The following GLP1R variants were observed in gnomAD, a reference collection of about 807,000 sequenced individuals.
GLP1R encodes the protein glucagon-like peptide 1 receptor.
In GLP1R, 32 loss-of-function variants were observed where a neutral mutation model predicts 68.4. That is an observed-to-expected ratio of 0.47 (90% CI 0.35 to 0.63). GLP1R has a LOEUF of 0.63. Among genes scored for constraint, GLP1R ranks in the 20% least tolerant of loss-of-function variants. The pLI, the probability that GLP1R is intolerant of heterozygous loss-of-function variation, is 0.00. For synonymous variants in GLP1R, 263 were observed against 244.4 expected (o/e 1.08, Z -0.71); for missense variants, 502 against 594.9 (o/e 0.84, Z 1.62).
At chr6:39,085,654 TCA>T (rs1279470195) in intron 12 of GLP1R, among the ~76,000 whole-genome samples, 1 of 152,214 alleles carries the variant, frequency 6.6e-6, no homozygotes, top group Non-Finnish European at 1.5e-5. Flanking sequence ...CTTAGCTGAA[TCA>T]CAGAGTTTAG....
chr6:39,082,606 G>A (rs1171250078), intron 12 of GLP1R, among the ~76,000 whole-genome samples: 1 of 152,142 alleles, frequency 6.6e-6, no homozygotes, highest in Non-Finnish European at 1.5e-5. Flanking sequence ...TCCTCAAAAT[G>A]AGTTTCTTTA....
intron 5 of GLP1R, among the ~76,000 whole-genome samples, chr6:39,066,822 AG>A (rs1768532683): frequency 6.6e-6 from 1 of 152,064 alleles, no homozygotes; most frequent in East Asian, 1.9e-4. Context: ...CACTTGGAGA[AG>A]GGGGGCCAGG....
chr6:39,086,198 C>CAA lies in GLP1R; in HGVS notation c.*126_*127insAA. ...ACACACACACACACACACACACACA[C>CAA]ACACACATACATCCTGCTTTCCCTC... On this transcript the variant is annotated 3_prime_UTR_variant, in exon 13 of 13. Coordinates refer to ENST00000373256, the MANE Select transcript of GLP1R (RefSeq NM_002062.5). The surrounding 1 kb of genome is among the most constrained non-coding windows in gnomAD (Gnocchi z 4.5). The CAA allele has an allele frequency of 3.5e-6, 2 of 574,022 alleles. No individual in the cohort carries two copies. Among genetic ancestry groups the CAA allele is most frequent in the African/African-American group, 1.8e-5 (1 of 54,060 alleles). The allele number at this position is 574,022 out of a possible 1,614,324, so 35.6% of individuals were successfully genotyped here.
At chr6:39,055,840 C>T (rs1054491482) in intron 1 of GLP1R, among the ~76,000 whole-genome samples, 8 of 152,144 alleles carry the variant, frequency 5.3e-5, no homozygotes, top group East Asian at 1.9e-4. Context: ...CCCCGGCCCC[C>T]GCACACCTTG....
chr6:39,067,134 C>G (rs897839364), intron 5 of GLP1R, among the ~76,000 whole-genome samples: 2 of 152,172 alleles, frequency 1.3e-5, no homozygotes, highest in African/African-American at 4.8e-5. Context: ...GATCCCATCC[C>G]TCTCCCTGCC....
chr6:39,051,699 CA>C (rs1330335195), intron 1 of GLP1R, among the ~76,000 whole-genome samples: 3 of 151,862 alleles, frequency 2.0e-5, no homozygotes, highest in Non-Finnish European at 4.4e-5. Flanking sequence ...TGAGACAGAC[CA>C]GGGGGAGAAG....
Position 39,079,319 on chromosome 6 carries a change from C to T in GLP1R, c.1043+119C>T. 2 of 869,114 alleles carry T rather than the reference C, an allele frequency of 2.3e-6. No individual in the cohort carries two copies. Among genetic ancestry groups the T allele is most frequent in the East Asian group, 2.5e-5 (1 of 39,974 alleles). The allele number at this position is 869,114 out of a possible 1,614,324, so 53.8% of individuals were successfully genotyped here. Reference sequence around the variant, plus strand: ...TAGAGCCCTACACTACCCTCTCCTTCCACCCAGGCCTGGCCTTGGACCCCA... The same window carrying T: ...TAGAGCCCTACACTACCCTCTCCTTTCACCCAGGCCTGGCCTTGGACCCCA... On this transcript the variant is annotated intron_variant, in intron 10 of 12. Transcript: ENST00000373256. The surrounding 1 kb of genome is among the most constrained non-coding windows in gnomAD (Gnocchi z 4.5).
rs954452994 is a variant in GLP1R at position 39,088,845 on chromosome 6, G to A, written c.*2772G>A. Among the ~76,000 whole-genome samples the A allele has an allele frequency of 5.3e-5, 8 of 152,132 alleles. No homozygotes were observed. The highest frequency in any genetic ancestry group is 2.1e-4 in the South Asian group (1 of 4,826). ...AGACCTTGGTGATCCCCCCTGGCCC[G>A]ATCTATAGGATTGAGGAATGAGGCT... On this transcript the variant is annotated 3_prime_UTR_variant, in exon 13 of 13. Coordinates refer to ENST00000373256, the MANE Select transcript of GLP1R (RefSeq NM_002062.5).
chr6:39,053,775 C>T (rs1439259685), intron 1 of GLP1R, among the ~76,000 whole-genome samples: 1 of 152,168 alleles, frequency 6.6e-6, no homozygotes, highest in African/African-American at 2.4e-5. Flanking sequence ...GGTTGTTCAG[C>T]CTCCACTATG....
chr6:39,073,119 C>A, intron 6 of GLP1R, 104 bp downstream of exon 6: 1 of 1,087,110 alleles, frequency 9.2e-7, no homozygotes, highest in Non-Finnish European at 1.3e-6. Flanking sequence ...AAGAGCCGAA[C>A]AGTCCTGGCC....
chr6:39,076,020 C>A (rs12204668), intron 7 of GLP1R, among the ~76,000 whole-genome samples: 1 of 152,048 alleles, frequency 6.6e-6, no homozygotes, highest in Non-Finnish European at 1.5e-5. Context: ...TGTTTGCATG[C>A]AGCAGGGCTT....
At chr6:39,064,848 T>G (rs779698037) in intron 3 of GLP1R, among the ~76,000 whole-genome samples, 11 of 151,852 alleles carry the variant, frequency 7.2e-5, no homozygotes, top group Non-Finnish European at 1.6e-4. Context: ...GTCTTTTTTG[T>G]TTTTTCTGTG....
In GLP1R at chr6:39,079,348, C is replaced by T. The variant is rs540508046; in HGVS notation, c.1043+148C>T. On this transcript the variant is annotated intron_variant, in intron 10 of 12. Coordinates refer to ENST00000373256, the MANE Select transcript of GLP1R (RefSeq NM_002062.5). The surrounding 1 kb of genome is among the most constrained non-coding windows in gnomAD (Gnocchi z 4.5). Reference sequence around the variant, plus strand: ...CCAGGCCTGGCCTTGGACCCCAAACCCTTGCTTTTGCCCTGTCTCTGGGCA... The same window carrying T: ...CCAGGCCTGGCCTTGGACCCCAAACTCTTGCTTTTGCCCTGTCTCTGGGCA... 3.3e-4 allele frequency: 267 copies of T among 813,732 alleles called. No homozygotes were observed. In the African/African-American group the frequency reaches 4.2e-3, roughly 13 times the overall value. 50.4% of individuals were successfully genotyped at this position (813,732 alleles called of 1,614,324 possible). A position where few individuals can be genotyped will look rare whatever the true frequency, so the allele number is the denominator to read the frequency against.
chr6:39,073,380 C>A (rs1362537317), intron 6 of GLP1R, among the ~76,000 whole-genome samples: 1 of 152,150 alleles, frequency 6.6e-6, no homozygotes, highest in East Asian at 1.9e-4. Flanking sequence ...GGTGAGAAGT[C>A]ACTTACTTCT....
At position 39,052,736 on chromosome 6, in the gene GLP1R, A is replaced by C. The variant is rs145884053; in HGVS notation, c.79-3661A>C. ...GGCTTGAGAAGTCACAAAGATTTTC[A>C]CCTGCTTTATCTTGTTGGATCTGTG... On this transcript the variant is annotated intron_variant, in intron 1 of 12. Coordinates refer to ENST00000373256, the MANE Select transcript of GLP1R (RefSeq NM_002062.5). Among the ~76,000 whole-genome samples the C allele has an allele frequency of 4.4e-3, 668 of 152,226 alleles. 5 individuals carry two copies. Among genetic ancestry groups the C allele is most frequent in the African/African-American group, 0.015 (623 of 41,532 alleles).
At chr6:39,052,594 A>T (rs1768111575) in intron 1 of GLP1R, among the ~76,000 whole-genome samples, 1 of 152,198 alleles carries the variant, frequency 6.6e-6, no homozygotes, top group South Asian at 2.1e-4. Context: ...ATTGGCAGCC[A>T]GTGTTTGGAG....
intron 3 of GLP1R, among the ~76,000 whole-genome samples, chr6:39,059,167 C>T (rs1303633542): frequency 2.0e-5 from 3 of 152,224 alleles, no homozygotes; most frequent in Non-Finnish European, 4.4e-5. Context: ...CAGTGGCCTG[C>T]CTTCTCCAAT....
chr6:39,086,231 C>T lies in GLP1R; in HGVS notation c.*158C>T, dbSNP rs1045175433. 7 of 612,904 alleles carry T rather than the reference C, an allele frequency of 1.1e-5. No individual in the cohort carries two copies. The African/African-American group carries it at 1.3e-4, about 11-fold the overall frequency. 38.0% of individuals were successfully genotyped at this position (612,904 alleles called of 1,614,324 possible). On this transcript the variant is annotated 3_prime_UTR_variant, in exon 13 of 13. Coordinates refer to ENST00000373256, the MANE Select transcript of GLP1R (RefSeq NM_002062.5). The surrounding 1 kb of genome is among the most constrained non-coding windows in gnomAD (Gnocchi z 4.5). ...TACATCCTGCTTTCCCTCCCCAAAC[C>T]CATCAGACAGGTAAATGGGCAGTGC...
At chr6:39,074,695 T>C (rs1768768247) in intron 7 of GLP1R, among the ~76,000 whole-genome samples, 2 of 152,066 alleles carry the variant, frequency 1.3e-5, no homozygotes, top group African/African-American at 2.4e-5. Flanking sequence ...TCCAGCTCAG[T>C]CACATCCAGA....
Sources: gnomAD v4.1 joint callset for allele counts (sites outside exome capture counted in the v4.1 genomes callset) on GRCh38, gnomAD v4.1.1 for gene constraint, Gnocchi (gnomAD v3.1) non-coding constraint, MANE v1.5 for transcripts, NCBI Gene and HGNC (gene_info 2026-07-23, HGNC 2026-07-21) for gene names.